FSTL4: variants seen among roughly 807,000 people sequenced by gnomAD.
The protein encoded by FSTL4 is follistatin-related protein 4.
A neutral mutation model predicts 78.2 loss-of-function variants in FSTL4; 28 were observed. The observed-to-expected ratio is 0.36, with a 90% CI of 0.27 to 0.49. The LOEUF (loss-of-function observed/expected upper bound fraction) is 0.49, where lower values mean the gene tolerates loss of function less well. Among genes scored for constraint, FSTL4 ranks in the 20% least tolerant of loss-of-function variants. The pLI, the probability that FSTL4 is intolerant of heterozygous loss-of-function variation, is 0.98. For synonymous variants in FSTL4, 422 were observed against 440.5 expected (o/e 0.96, Z 0.53); for missense variants, 922 against 1,084.9 (o/e 0.85, Z 2.11).
chr5:133,828,252 G>A, the FSTL4 span, among the ~76,000 whole-genome samples: 2 of 152,144 alleles, frequency 1.3e-5, no homozygotes, highest in African/African-American at 2.4e-5. Context: ...AAGAGCAAGT[G>A]CGCTCTTGAC....
the FSTL4 span, among the ~76,000 whole-genome samples, chr5:133,774,408 G>A: frequency 6.6e-6 from 1 of 152,134 alleles, no homozygotes; most frequent in Non-Finnish European, 1.5e-5. Context: ...TATCTAGTGG[G>A]TAGAGGCTAA....
intron 2 of FSTL4, among the ~76,000 whole-genome samples, chr5:133,582,124 C>T (rs964572675): frequency 6.6e-6 from 1 of 152,210 alleles, no homozygotes; most frequent in African/African-American, 2.4e-5. Context: ...GGCCCACACT[C>T]GCCTTCCATG....
At chr5:133,374,511 C>T (rs550752709) in intron 4 of FSTL4, among the ~76,000 whole-genome samples, 1 of 152,164 alleles carries the variant, frequency 6.6e-6, no homozygotes, top group East Asian at 1.9e-4. Context: ...ATGAACTTTC[C>T]AATCATATTC....
At chr5:133,814,964 T>G in the FSTL4 span, among the ~76,000 whole-genome samples, 2 of 152,196 alleles carry the variant, frequency 1.3e-5, no homozygotes, top group Non-Finnish European at 2.9e-5. Context: ...TTCCAGGGGC[T>G]TCTCAAATCC....
the FSTL4 span, among the ~76,000 whole-genome samples, chr5:133,794,031 T>A: frequency 5.3e-5 from 8 of 152,224 alleles, no homozygotes. Flanking sequence ...GGCTAATCAA[T>A]CATCCTGGGG....
At chr5:133,509,466 C>T (rs1180758082) in intron 3 of FSTL4, among the ~76,000 whole-genome samples, 1 of 152,188 alleles carries the variant, frequency 6.6e-6, no homozygotes, top group Non-Finnish European at 1.5e-5. Flanking sequence ...TTGCTCATTT[C>T]AGCCAGCACC....
At position 133,382,543 on chromosome 5, in the gene FSTL4, T is replaced by C. The variant is rs189641598; in HGVS notation, c.409+18195A>G. 3.9e-5 allele frequency among the ~76,000 whole-genome samples: 6 copies of C among 152,326 alleles called. No homozygotes were observed. In the East Asian group the frequency reaches 1.2e-3, roughly 29 times the overall value. On this transcript the variant is annotated intron_variant, in intron 4 of 15. Coordinates refer to ENST00000265342, the MANE Select transcript of FSTL4 (RefSeq NM_015082.2). ...CATTTACTTATAATCCAGACTGTGA[T>C]TGTTTGGAAAATTGGAGAGAGGGAT...
chr5:133,242,983 A>T (rs1325153234), intron 7 of FSTL4, among the ~76,000 whole-genome samples: 1 of 152,238 alleles, frequency 6.6e-6, no homozygotes, highest in East Asian at 1.9e-4. Context: ...TAAATGAGTC[A>T]TGAGCTCCTA....
chr5:133,761,483 G>A, the FSTL4 span, among the ~76,000 whole-genome samples: 7 of 152,174 alleles, frequency 4.6e-5, no homozygotes, highest in African/African-American at 1.7e-4. Context: ...GATTTGCTCA[G>A]TTCCTTTGAA....
At chr5:133,636,687 A>T in the FSTL4 span, among the ~76,000 whole-genome samples, 2 of 152,160 alleles carry the variant, frequency 1.3e-5, no homozygotes, top group African/African-American at 2.4e-5. Flanking sequence ...AGCACTATGT[A>T]AATATTTGCT....
intron 4 of FSTL4, among the ~76,000 whole-genome samples, chr5:133,380,125 C>A (rs1755532201): frequency 6.6e-6 from 1 of 151,458 alleles, no homozygotes; most frequent in African/African-American, 2.4e-5. Context: ...TTCACCATAA[C>A]ACATAGTAAA....
intron 3 of FSTL4, among the ~76,000 whole-genome samples, chr5:133,529,810 A>G (rs989789021): frequency 3.3e-5 from 5 of 151,838 alleles, no homozygotes; most frequent in Non-Finnish European, 5.9e-5. Context: ...ATTGCTATTC[A>G]TCTGTGTAAT....
chr5:133,817,468 G>A, the FSTL4 span, among the ~76,000 whole-genome samples: 4 of 152,216 alleles, frequency 2.6e-5, no homozygotes, highest in African/African-American at 9.7e-5. Context: ...ATTAGGTAAT[G>A]CAGGAAGCCA....
Position 133,235,499 on chromosome 5 carries a change from CA to C in FSTL4, c.895-1963del, listed in dbSNP as rs71581361. 7.4e-3 allele frequency among the ~76,000 whole-genome samples: 721 copies of C among 97,532 alleles called. 5 individuals carry two copies. The highest frequency in any genetic ancestry group is 0.016 in the Middle Eastern group (3 of 182). 64.0% of individuals were successfully genotyped at this position (97,532 alleles called of 152,430 possible). A position where few individuals can be genotyped will look rare whatever the true frequency, so the allele number is the denominator to read the frequency against. ...GGGTGACAGAGCGAGACCCCACCTC[CA>C]AAAAAAAAAAAAAAAAAAGACACTT... On this transcript the variant is annotated intron_variant, in intron 7 of 15. Transcript: ENST00000265342.
intron 3 of FSTL4, among the ~76,000 whole-genome samples, chr5:133,475,096 G>A (rs752284919): frequency 2.1e-4 from 32 of 152,180 alleles, no homozygotes; most frequent in Non-Finnish European, 4.3e-4. Flanking sequence ...GACATGGCCC[G>A]GGCAGGCATT....
chr5:133,499,308 T>C (rs1266773238), intron 3 of FSTL4, among the ~76,000 whole-genome samples: 1 of 150,224 alleles, frequency 6.7e-6, no homozygotes, highest in Non-Finnish European at 1.5e-5. Context: ...CACACATCAC[T>C]GGGTCCTGGA....
chr5:133,321,676 C>G (rs559381914), intron 4 of FSTL4, among the ~76,000 whole-genome samples: 1 of 152,346 alleles, frequency 6.6e-6, no homozygotes, highest in Admixed American at 6.5e-5. Flanking sequence ...CCATAAGGAG[C>G]CCTGAGCTGG....
At chr5:133,804,049 A>G in the FSTL4 span, among the ~76,000 whole-genome samples, 1 of 152,178 alleles carries the variant, frequency 6.6e-6, no homozygotes, top group African/African-American at 2.4e-5. Context: ...AGATGCTTAC[A>G]TTTCCAAATC....
chr5:133,402,453 C>A (rs1276944152), intron 3 of FSTL4, among the ~76,000 whole-genome samples: 2 of 152,186 alleles, frequency 1.3e-5, no homozygotes, highest in Non-Finnish European at 2.9e-5. Flanking sequence ...CAGATTTTTA[C>A]AGCCTCAGAA....
Sources: allele counts gnomAD v4.1 joint callset (sites outside exome capture counted in the v4.1 genomes callset), GRCh38; gene constraint gnomAD v4.1.1; transcripts MANE v1.5; gene names NCBI Gene and HGNC (gene_info 2026-07-23, HGNC 2026-07-21).